Variants in PLD5 observed in about 807,000 individuals in gnomAD.
PLD5 encodes inactive phospholipase D5.
PLD5 carries 36 observed loss-of-function variants against 61.1 expected under a neutral mutation model. The observed-to-expected ratio is 0.59, with a 90% confidence interval of 0.45 to 0.78. PLD5 has a LOEUF of 0.78. Ranked by LOEUF, PLD5 falls within the 30% of genes least tolerant of loss-of-function variation. PLD5 has a pLI of 0.00. For missense variants in PLD5, 515 were observed against 644.4 expected (o/e 0.80, Z 2.17); for synonymous variants, 243 against 242.8 (o/e 1.00, Z -0.01).
intron 1 of PLD5, among the ~76,000 whole-genome samples, chr1:242,397,843 G>C (rs1306700410): frequency 1.3e-5 from 2 of 148,678 alleles, no homozygotes; most frequent in Non-Finnish European, 3.0e-5. Flanking sequence ...CAGCAGGAAT[G>C]TATATGAATA....
intron 1 of PLD5, among the ~76,000 whole-genome samples, chr1:242,402,321 T>G (rs538452855): frequency 1.3e-5 from 2 of 152,220 alleles, no homozygotes; most frequent in East Asian, 3.8e-4. Context: ...CTTTACCACA[T>G]TGACCTTCAC....
chr1:242,092,915 A>G (rs1262494612), intron 9 of PLD5, among the ~76,000 whole-genome samples: 4 of 152,088 alleles, frequency 2.6e-5, no homozygotes, highest in Non-Finnish European at 5.9e-5. Flanking sequence ...CTCAGAGCCT[A>G]AGAACACCAA....
At chr1:242,296,387 G>A (rs1675660056) in intron 2 of PLD5, among the ~76,000 whole-genome samples, 1 of 152,000 alleles carries the variant, frequency 6.6e-6, no homozygotes, top group South Asian at 2.1e-4. Context: ...TTAATTAATT[G>A]CCATTAGTCT....
intron 2 of PLD5, among the ~76,000 whole-genome samples, chr1:242,294,314 C>T (rs190114687): frequency 5.8e-4 from 89 of 152,228 alleles, no homozygotes; most frequent in African/African-American, 1.7e-3. Flanking sequence ...AAATAGAATT[C>T]GAACTGTTCT....
rs1362565593 is a variant in PLD5, at chr1:242,310,053, A to AT, written c.327-21524dup. Among the ~76,000 whole-genome samples the AT allele has an allele frequency of 3.6e-3, 283 of 78,644 alleles. 1 individual carries two copies. The highest frequency in any genetic ancestry group is 7.9e-3 in the African/African-American group (262 of 33,346). The allele number at this position is 78,644 out of a possible 152,430, so 51.6% of individuals were successfully genotyped here. On this transcript the variant is annotated intron_variant, in intron 2 of 9. Transcript: ENST00000536534. The stretch of plus-strand genomic sequence containing the variant: ...CTTGGTTGCAGGATCAACAGGACCA[A>AT]TTTTTCTTTTTTCCAGCAAAAAGTC...
intron 2 of PLD5, among the ~76,000 whole-genome samples, chr1:242,324,369 T>G (rs1313232665): frequency 6.6e-6 from 1 of 152,240 alleles, no homozygotes. Context: ...CAATTACTTT[T>G]TGCTAAAAAC....
In PLD5 at chr1:242,204,864, C is replaced by T. The variant is rs1669224412; in HGVS notation, c.735+15124G>A. Among the ~76,000 whole-genome samples, 4 of 152,180 alleles carry T rather than the reference C, an allele frequency of 2.6e-5. No homozygotes were observed. The South Asian group carries it at 6.2e-4, about 24-fold the overall frequency. ...GCAACCACTATGTTATACTGCCAAA[C>T]AAAGAGCTTAGTAACAGCCAAAAAA... is the stretch of plus-strand genomic sequence containing the variant. On this transcript the variant is annotated intron_variant, in intron 5 of 9. Transcript: ENST00000536534.
upstream of PLD5, among the ~76,000 whole-genome samples, chr1:242,527,829 AT>A (rs996295166): frequency 4.6e-5 from 7 of 152,244 alleles, no homozygotes; most frequent in African/African-American, 1.2e-4. Context: ...TGCACCAAAA[AT>A]ATTACTGAAA....
intron 9 of PLD5, among the ~76,000 whole-genome samples, chr1:242,097,498 C>T (rs1558215644): frequency 6.6e-6 from 1 of 152,190 alleles, no homozygotes; most frequent in Non-Finnish European, 1.5e-5. Flanking sequence ...CTCTGATGGC[C>T]AGTGAGGATG....
At chr1:242,115,189 G>GA (rs952553989) in intron 6 of PLD5, among the ~76,000 whole-genome samples, 36 of 147,938 alleles carry the variant, frequency 2.4e-4, no homozygotes, top group African/African-American at 9.2e-4. Context: ...AAAGAAAAAA[G>GA]AAAAAAAAGA....
intron 4 of PLD5, among the ~76,000 whole-genome samples, chr1:242,236,519 AC>A (rs1406517440): frequency 6.6e-6 from 1 of 151,970 alleles, no homozygotes; most frequent in Non-Finnish European, 1.5e-5. Context: ...AGAATGAATT[AC>A]TTTTGCTTTT....
intron 4 of PLD5, among the ~76,000 whole-genome samples, chr1:242,233,372 C>A (rs1479686995): frequency 6.6e-6 from 1 of 152,176 alleles, no homozygotes; most frequent in East Asian, 1.9e-4. Context: ...ATTCAGGATT[C>A]TCCTGGCCTC....
chr1:242,265,528 A>G (rs550791218), intron 3 of PLD5, 80 bp from the exon 4 acceptor site: 3 of 1,180,616 alleles, frequency 2.5e-6, no homozygotes, highest in Non-Finnish European at 2.4e-6. Flanking sequence ...TAAACTCATT[A>G]AAATTAATCT....
At chr1:242,455,666 G>C (rs1409068398) in intron 1 of PLD5, among the ~76,000 whole-genome samples, 1 of 152,198 alleles carries the variant, frequency 6.6e-6, no homozygotes, top group East Asian at 1.9e-4. Context: ...CTCCCAGAAG[G>C]CATCAATCAG....
intron 1 of PLD5, among the ~76,000 whole-genome samples, chr1:242,454,477 A>G (rs1479416602): frequency 2.0e-5 from 3 of 152,190 alleles, no homozygotes; most frequent in African/African-American, 7.2e-5. Flanking sequence ...AGAGGAAAAA[A>G]AAAGAAAAAA....
rs143707390 is a variant in PLD5 at position 242,145,758 on chromosome 1, C to T, written c.736-21093G>A. ...CATGATCTTGTGTCACTGCAACCTC[C>T]GCCTCCTGGGTTTAAGTGATTCTCT... On this transcript the variant is annotated intron_variant, in intron 5 of 9. Transcript: ENST00000536534. Among the ~76,000 whole-genome samples the T allele has an allele frequency of 5.2e-3, 791 of 152,224 alleles. 6 individuals are homozygous for T. Among genetic ancestry groups the T allele is most frequent in the Admixed American group, 0.01 (159 of 15,292 alleles).
chr1:242,320,695 G>A (rs1658333928), intron 2 of PLD5, among the ~76,000 whole-genome samples: 1 of 152,032 alleles, frequency 6.6e-6, no homozygotes, highest in Non-Finnish European at 1.5e-5. Flanking sequence ...CGTATCATAA[G>A]AAAAAAATAA....
intron 5 of PLD5, among the ~76,000 whole-genome samples, chr1:242,132,094 G>A (rs1373507916): frequency 2.0e-5 from 3 of 150,272 alleles, no homozygotes; most frequent in African/African-American, 4.9e-5. Context: ...GCCTCCTAAA[G>A]TGCTGTGATT....
chr1:242,089,408 TTAC>T lies in PLD5; in HGVS notation c.*443_*445del. 1.2e-5 allele frequency: 5 copies of T among 401,622 alleles called. No homozygotes were observed. Among genetic ancestry groups the T allele is most frequent in the South Asian group, 2.4e-4 (2 of 8,306 alleles). The allele number at this position is 401,622 out of a possible 1,614,324, so 24.9% of individuals were successfully genotyped here. A position where few individuals can be genotyped will look rare whatever the true frequency, so the allele number is the denominator to read the frequency against. The stretch of plus-strand genomic sequence containing the variant: ...TGACTGTGTAGGTCTTGGAGACGAT[TTAC>T]AAGAATAAACACTTGGTTTTATCAG... On this transcript the variant is annotated 3_prime_UTR_variant, in exon 10 of 10. Transcript: ENST00000536534.
Sources: gnomAD v4.1 joint callset for allele counts (sites outside exome capture counted in the v4.1 genomes callset) on GRCh38, gnomAD v4.1.1 for gene constraint, MANE v1.5 for transcripts, NCBI Gene and HGNC (gene_info 2026-07-23, HGNC 2026-07-21) for gene names.